The following AMMECR1 variants were observed in gnomAD, a reference collection of about 807,000 sequenced individuals.
AMMECR1 encodes the protein AMMECR nuclear protein 1.
A neutral mutation model predicts 22.5 loss-of-function variants in AMMECR1; 3 were observed. That is an observed-to-expected ratio of 0.13 (90% CI 0.06 to 0.35). The LOEUF is 0.35. AMMECR1 is among the 10% of genes least tolerant of loss of function. The pLI is 1.00. For missense variants in AMMECR1, 235 were observed against 278.7 expected, an observed-to-expected ratio of 0.84 and a Z score of 1.12; for synonymous variants, 130 against 116.7, an observed-to-expected ratio of 1.11 and a Z score of -0.74.
chrX:110,360,085 C>T (rs1482856536), intron 2 of AMMECR1, among the ~76,000 whole-genome samples: 2 of 111,435 alleles, frequency 1.8e-5, no homozygotes, highest in Non-Finnish European at 3.8e-5. Flanking sequence ...CTAGGAGTTT[C>T]AACAGCACTG....
In AMMECR1 at chrX:110,195,466, CCAAAG is replaced by C. The variant is rs768935490; in HGVS notation, c.*3049_*3053del. The C allele has an allele frequency of 8.9e-6, 1 of 111,885 alleles. No homozygotes were observed. Among genetic ancestry groups the C allele is most frequent in the African/African-American group, 3.2e-5 (1 of 30,834 alleles). The allele number at this position is 111,885 out of a possible 1,213,427, so 9.2% of individuals were successfully genotyped here. ...AGAAATGGAAGCCTTTTGCTACATA[CCAAAG>C]CAAAGTACGTACTATTTCCAAGAGG... On this transcript the variant is annotated 3_prime_UTR_variant, in exon 6 of 6. Transcript: ENST00000262844.
At chrX:110,200,905 C>T in intron 5 of AMMECR1, 49 bp downstream of exon 5, 1 of 922,744 alleles carries the variant, frequency 1.1e-6, no homozygotes. Flanking sequence ...TATAGGCATA[C>T]ACATCAAAAT....
rs778584979 is a variant in AMMECR1 at position 110,413,521 on chromosome X, C to T, written c.-148+13137G>A. 1.2e-4 allele frequency among the ~76,000 whole-genome samples: 13 copies of T among 105,380 alleles called. 1 individual carries two copies. Among genetic ancestry groups the T allele is most frequent in the Admixed American group, 5.0e-4 (5 of 9,930 alleles). The allele number at this position is 105,380 out of a possible 115,157, so 91.5% of individuals were successfully genotyped here. A position where few individuals can be genotyped will look rare whatever the true frequency, so the allele number is the denominator to read the frequency against. On this transcript the variant is annotated intron_variant, in intron 2 of 7. Coordinates refer to the AMMECR1 transcript ENST00000372057. ...ACCATCCCCTCCTGGTCAACCCCCC[C>T]CCACCCCCACATTCAACGAAGAGTT...
intron 1 of AMMECR1, among the ~76,000 whole-genome samples, chrX:110,433,057 G>A (rs2068809910): frequency 8.9e-6 from 1 of 112,638 alleles, no homozygotes; most frequent in African/African-American, 3.2e-5. Flanking sequence ...CAAGAGGGCT[G>A]CTCCCGGGTG....
intron 2 of AMMECR1, among the ~76,000 whole-genome samples, chrX:110,410,589 A>G (rs1376534568): frequency 8.9e-6 from 1 of 111,734 alleles, no homozygotes; most frequent in African/African-American, 3.3e-5. Context: ...CTCCCACTTT[A>G]CTTTTCTTTT....
At chrX:110,234,150 G>A (rs1436294642) in intron 2 of AMMECR1, among the ~76,000 whole-genome samples, 2 of 111,846 alleles carry the variant, frequency 1.8e-5, no homozygotes, top group Non-Finnish European at 3.8e-5. Flanking sequence ...CAAAATCAAT[G>A]TGCAAAAATC....
At chrX:110,294,455 T>C (rs1461069922) in intron 1 of AMMECR1, among the ~76,000 whole-genome samples, 1 of 112,245 alleles carries the variant, frequency 8.9e-6, no homozygotes, top group Non-Finnish European at 1.9e-5. Flanking sequence ...GAGTACCAGT[T>C]CAATAGCTTC....
At chrX:110,226,688 T>C (rs1262111784) in intron 2 of AMMECR1, among the ~76,000 whole-genome samples, 1 of 111,969 alleles carries the variant, frequency 8.9e-6, no homozygotes, top group African/African-American at 3.2e-5. Context: ...CTAAATCCCA[T>C]TCTCTTTTCA....
At chrX:110,324,433 A>G (rs985210573) in intron 2 of AMMECR1, among the ~76,000 whole-genome samples, 5 of 111,173 alleles carry the variant, frequency 4.5e-5, no homozygotes, top group African/African-American at 1.3e-4. Context: ...TTTCTTTCCA[A>G]TCTGGATGTA....
At chrX:110,370,201 A>G (rs1268905791) in intron 2 of AMMECR1, among the ~76,000 whole-genome samples, 1 of 110,998 alleles carries the variant, frequency 9.0e-6, no homozygotes, top group Non-Finnish European at 1.9e-5. Flanking sequence ...AAAATTTTTA[A>G]ATTTTTATTT....
At chrX:110,281,512 T>C (rs968959301) in intron 1 of AMMECR1, among the ~76,000 whole-genome samples, 1 of 112,409 alleles carries the variant, frequency 8.9e-6, no homozygotes, top group Non-Finnish European at 1.9e-5. Flanking sequence ...CAGTATTTGT[T>C]GTGAGACTGT....
rs144541134 is a variant in AMMECR1 at position 110,361,769 on chromosome X, C to A, written c.-147-43920G>T. Among the ~76,000 whole-genome samples, 868 of 112,505 alleles carry A rather than the reference C, an allele frequency of 7.7e-3. 12 individuals carry two copies. The highest frequency in any genetic ancestry group is 0.027 in the African/African-American group (835 of 30,983). On this transcript the variant is annotated intron_variant, in intron 2 of 7. Coordinates refer to the AMMECR1 transcript ENST00000372057. ...GTTTATCTATTTATTTGTTTATCAT[C>A]TATCTCCTTCTGCTAGAACAGGAGC... is the stretch of plus-strand genomic sequence containing the variant.
chrX:110,334,624 AGTT>A (rs2068133779), intron 2 of AMMECR1, among the ~76,000 whole-genome samples: 1 of 111,683 alleles, frequency 9.0e-6, no homozygotes, highest in Non-Finnish European at 1.9e-5. Flanking sequence ...CAAATGCACT[AGTT>A]GTTTTCCTTA....
intron 2 of AMMECR1, among the ~76,000 whole-genome samples, chrX:110,239,038 T>C (rs2067616415): frequency 9.0e-6 from 1 of 111,224 alleles, no homozygotes; most frequent in Non-Finnish European, 1.9e-5. Flanking sequence ...CAAAACCCCA[T>C]CTGAAGGTCA....
intron 2 of AMMECR1, among the ~76,000 whole-genome samples, chrX:110,399,246 C>G (rs2068548539): frequency 8.9e-6 from 1 of 112,620 alleles, no homozygotes; most frequent in Non-Finnish European, 1.9e-5. Context: ...AACAACCCTT[C>G]AAGGTAGGCA....
intron 2 of AMMECR1, among the ~76,000 whole-genome samples, chrX:110,334,076 T>G (rs1453007832): frequency 8.9e-6 from 1 of 112,170 alleles, no homozygotes; most frequent in Non-Finnish European, 1.9e-5. Context: ...TATTTAAAAA[T>G]GTTTCTTTTT....
intron 2 of AMMECR1, among the ~76,000 whole-genome samples, chrX:110,361,346 A>G (rs992983371): frequency 4.5e-5 from 5 of 111,696 alleles, no homozygotes; most frequent in Admixed American, 3.8e-4. Flanking sequence ...TTATGTCACA[A>G]TGATCTGCTT....
At chrX:110,252,069 T>C (rs1026660116) in intron 2 of AMMECR1, among the ~76,000 whole-genome samples, 3 of 111,592 alleles carry the variant, frequency 2.7e-5, no homozygotes, top group Admixed American at 1.9e-4. Flanking sequence ...ATACTTCATA[T>C]ACATATATAT....
chrX:110,210,028 C>A (rs2067439869), intron 3 of AMMECR1, among the ~76,000 whole-genome samples: 2 of 111,086 alleles, frequency 1.8e-5, no homozygotes, highest in African/African-American at 3.3e-5. Context: ...CTGGAGACAA[C>A]TTGAGGCGGC....
Sources: allele counts gnomAD v4.1 joint callset (sites outside exome capture counted in the v4.1 genomes callset), GRCh38; gene constraint gnomAD v4.1.1; transcripts MANE v1.5; gene names NCBI Gene and HGNC (gene_info 2026-07-23, HGNC 2026-07-21).